Variants in CTPS1 observed in about 807,000 individuals in gnomAD.
CTPS1 encodes CTP synthetase 1.
A neutral mutation model predicts 80.5 loss-of-function variants in CTPS1; 25 were observed. The ratio of observed to expected loss-of-function variants is 0.31; its 90% CI spans 0.23 to 0.43. The LOEUF (loss-of-function observed/expected upper bound fraction) is 0.43. Ranked by LOEUF, CTPS1 falls within the 20% of genes least tolerant of loss-of-function variation. The probability of loss-of-function intolerance (pLI) is 1.00; values close to 1 mark genes in which losing one functional copy is unlikely to be tolerated. For synonymous variants in CTPS1, 267 were observed against 252.5 expected, an observed-to-expected ratio of 1.06 and a Z score of -0.54; for missense variants, 442 against 725.7, an observed-to-expected ratio of 0.61 and a Z score of 4.49.
intron 8 of CTPS1, 138 bp downstream of exon 8, chr1:40,996,206 G>C (rs1002340668): frequency 1.2e-5 from 11 of 927,846 alleles, no homozygotes; most frequent in Non-Finnish European, 1.6e-5. Flanking sequence ...TGTAGTAAGA[G>C]ATGTTCAGAA....
intron 16 of CTPS1, 66 bp from the exon 17 acceptor site, chr1:41,009,379 T>G: frequency 6.9e-7 from 1 of 1,446,156 alleles, no homozygotes. Flanking sequence ...TTAAGCAGAT[T>G]TTGTTCTTTT....
chr1:41,007,132 G>A lies in CTPS1; in HGVS notation c.1297-317G>A, dbSNP rs183188642. On this transcript the variant is annotated intron_variant, in intron 13 of 18. Transcript: ENST00000650070. The surrounding 1 kb of genome is among the most constrained non-coding windows in gnomAD (Gnocchi z 4.4). ...AGACATGTTATGACACATCCAGTCC[G>A]TGTCTGTGCTACTGTATCAGTCTTT... is the stretch of plus-strand genomic sequence containing the variant. Among the ~76,000 whole-genome samples the A allele has an allele frequency of 3.7e-4, 56 of 152,268 alleles. No homozygotes were observed. Among genetic ancestry groups the A allele is most frequent in the Non-Finnish European group, 2.8e-4 (19 of 68,016 alleles).
At chr1:41,010,723 C>T (rs185109458) in intron 18 of CTPS1, among the ~76,000 whole-genome samples, 1 of 152,336 alleles carries the variant, frequency 6.6e-6, no homozygotes, top group Non-Finnish European at 1.5e-5. Context: ...TTAAAACTGA[C>T]ACTGCTTAGA....
chr1:41,005,746 G>GA (rs559315246), intron 12 of CTPS1, among the ~76,000 whole-genome samples: 27 of 151,760 alleles, frequency 1.8e-4, no homozygotes, highest in Non-Finnish European at 2.9e-4. Flanking sequence ...TCCAAAAAAT[G>GA]AAAAAAAATT....
chr1:40,996,144 C>T (rs767872347), intron 8 of CTPS1, 76 bp downstream of exon 8: 4 of 1,542,266 alleles, frequency 2.6e-6, no homozygotes, highest in Non-Finnish European at 3.6e-6. Context: ...GACTCTAGCC[C>T]TAGCACTTTT....
chr1:41,005,357 T>C (rs1643006996), intron 12 of CTPS1, among the ~76,000 whole-genome samples: 2 of 151,924 alleles, frequency 1.3e-5, no homozygotes, highest in South Asian at 4.2e-4. Flanking sequence ...GACAGGAGAA[T>C]CGCTTGAGAC....
intron 7 of CTPS1, among the ~76,000 whole-genome samples, chr1:40,993,774 C>CTTTTTTTTTTTTTTTTTTTT (rs71278720): frequency 2.3e-5 from 2 of 85,772 alleles, no homozygotes; most frequent in Admixed American, 1.6e-4. Context: ...TTTCTTCTCT[C>CTTTTTTTTTTTTTTTTTTTT]TTTTTTTTTT....
chr1:41,002,299 G>C lies in CTPS1; in HGVS notation c.1189+45G>C, dbSNP rs370413305. On this transcript the variant is annotated intron_variant, in intron 11 of 18. Transcript: ENST00000650070. ...AGTCTTCACTTAAGAGTAGGAAAGA[G>C]TGGGGAACGGTGCCACGTGGGAGCC... The C allele has an allele frequency of 3.3e-6, 5 of 1,498,834 alleles. No individual in the cohort carries two copies. In the African/African-American group the frequency reaches 6.9e-5, roughly 21 times the overall value. The allele number at this position is 1,498,834 out of a possible 1,614,324, so 92.8% of individuals were successfully genotyped here.
In CTPS1 at chr1:41,008,654, G is replaced by T; in HGVS notation, c.1394-5G>T. ...TCTTTACATACAGCCCGTTTGTTTT[G>T]CCAGGGAAACTCTATGGAGACGCAG... On this transcript the variant is annotated splice_region_variant and splice_polypyrimidine_tract_variant and intron_variant, in intron 14 of 18. Transcript: ENST00000650070. 1.9e-6 allele frequency: 3 copies of T among 1,614,082 alleles called. No individual in the cohort carries two copies. The highest frequency in any genetic ancestry group is 2.5e-6 in the Non-Finnish European group (3 of 1,179,950).
chr1:40,990,444 T>G (rs1488734369), intron 5 of CTPS1, among the ~76,000 whole-genome samples: 1 of 152,146 alleles, frequency 6.6e-6, no homozygotes, highest in Non-Finnish European at 1.5e-5. Flanking sequence ...CTGGACCCCT[T>G]AGCAACAATA....
At position 41,000,535 on chromosome 1, in the gene CTPS1, G is replaced by A. The variant is rs1377990854; in HGVS notation, c.1006-494G>A. ...TCCAAAGTGCTGGGATTATAGGTGT[G>A]AGCCACCACGCCCGGCTCATTCTAT... On this transcript the variant is annotated intron_variant, in intron 9 of 18. Coordinates refer to ENST00000650070, the MANE Select transcript of CTPS1 (RefSeq NM_001905.4). Among the ~76,000 whole-genome samples, 3 of 151,834 alleles carry A rather than the reference G, an allele frequency of 2.0e-5. No homozygotes were observed. The East Asian group carries it at 5.8e-4, about 29-fold the overall frequency.
In CTPS1 at chr1:40,996,078, C is replaced by G. The variant is rs1313461499; in HGVS notation, c.872+10C>G. On this transcript the variant is annotated intron_variant, in intron 8 of 18. Coordinates refer to ENST00000650070, the MANE Select transcript of CTPS1 (RefSeq NM_001905.4). ...AAGAGATGGCTGACAGGTTTGCCTG[C>G]AATGAGGAGCTGGGAGTGCTAGCCT... 6.2e-7 allele frequency: 1 copy of G among 1,613,870 alleles called. No homozygotes were observed. Among genetic ancestry groups the G allele is most frequent in the East Asian group, 2.2e-5 (1 of 44,876 alleles).
chr1:40,995,171 G>T (rs374338422), intron 7 of CTPS1, among the ~76,000 whole-genome samples: 5 of 152,102 alleles, frequency 3.3e-5, no homozygotes, highest in African/African-American at 1.2e-4. Context: ...TCATAGGTTC[G>T]TGGACATGAT....
At chr1:40,988,871 T>C (rs1327231231) in intron 5 of CTPS1, among the ~76,000 whole-genome samples, 161 bp downstream of exon 5, 6 of 152,208 alleles carry the variant, frequency 3.9e-5, no homozygotes, top group Non-Finnish European at 2.9e-5. Flanking sequence ...ATCATACTTT[T>C]TTGAAAAGAT....
chr1:41,006,209 C>T (rs1239744327), intron 13 of CTPS1, 115 bp downstream of exon 13: 1 of 889,360 alleles, frequency 1.1e-6, no homozygotes, highest in Middle Eastern at 2.2e-4. Context: ...TCCCAAAGAA[C>T]CCTGAGGTTT....
chr1:41,003,637 G>C (rs1642961858), intron 12 of CTPS1, among the ~76,000 whole-genome samples: 1 of 152,196 alleles, frequency 6.6e-6, no homozygotes. Context: ...GAGTAATAAA[G>C]GTACGTACTT....
At chr1:41,002,066 G>A (rs985041312) in intron 10 of CTPS1, 94 bp from the exon 11 acceptor site, 2 of 1,056,938 alleles carry the variant, frequency 1.9e-6, no homozygotes, top group African/African-American at 1.6e-5. Context: ...TTAATTCATG[G>A]CTTCAGTGTC....
chr1:40,995,978 G>A lies in CTPS1; in HGVS notation c.782G>A (p.Gly261Glu). 2 of 1,614,122 alleles carry A rather than the reference G, an allele frequency of 1.2e-6. No individual in the cohort carries two copies. The highest frequency in any genetic ancestry group is 8.5e-7 in the Non-Finnish European group (1 of 1,180,000). Residue 261 changes from glycine (G) to glutamate (E), a missense_variant, in exon 8 of 19, where the codon GGG (glycine) becomes GAG (glutamate). Physicochemically the swap from Gly to Glu is moderately conservative, Grantham distance 98. Transcript: ENST00000650070. ...YRVPLLLEEQ[G>E]VVDYFLRRLD... ...GTCCCCTTGTTGTTAGAGGAGCAAG[G>A]GGTTGTAGATTATTTTCTTCGAAGA...
Position 41,008,782 on chromosome 1 carries a change from A to T in CTPS1, c.1450-12A>T. 1 of 1,614,056 alleles carries T rather than the reference A, an allele frequency of 6.2e-7. No individual in the cohort carries two copies. Among genetic ancestry groups the T allele is most frequent in the Non-Finnish European group, 8.5e-7 (1 of 1,179,882 alleles). ...TGAGAGACCAGCAGAATTATTTTTC[A>T]TGCCTCAACAGGTGAATCCAGTCTG... On this transcript the variant is annotated splice_polypyrimidine_tract_variant and intron_variant, in intron 15 of 18. Transcript: ENST00000650070.
Sources: gnomAD v4.1 joint callset for allele counts (sites outside exome capture counted in the v4.1 genomes callset) on GRCh38, gnomAD v4.1.1 for gene constraint, Gnocchi (gnomAD v3.1) non-coding constraint, MANE v1.5 for transcripts, NCBI Gene and HGNC (gene_info 2026-07-23, HGNC 2026-07-21) for gene names.